Variants in WLS observed in about 807,000 individuals in gnomAD.
WLS encodes the protein protein wntless homolog.
A neutral mutation model predicts 62.8 loss-of-function variants in WLS; 23 were observed. The ratio of observed to expected loss-of-function variants is 0.37; its 90% CI spans 0.26 to 0.52. The LOEUF is 0.52. Among genes scored for constraint, WLS ranks in the 20% least tolerant of loss-of-function variants. The pLI, the probability that WLS is intolerant of heterozygous loss-of-function variation, is 0.92. For missense variants in WLS, 615 were observed against 697.3 expected, an observed-to-expected ratio of 0.88 and a Z score of 1.33; for synonymous variants, 246 against 244.1, an observed-to-expected ratio of 1.01 and a Z score of -0.07.
chr1:68,115,402 G>A (rs12134024), intron 11 of WLS, among the ~76,000 whole-genome samples: 5 of 152,068 alleles, frequency 3.3e-5, no homozygotes, highest in Admixed American at 2.0e-4. Context: ...CATTCTTCAC[G>A]AGGCAGTCCC....
At chr1:68,165,969 T>C (rs540660164) in intron 2 of WLS, among the ~76,000 whole-genome samples, 2 of 152,312 alleles carry the variant, frequency 1.3e-5, no homozygotes, top group South Asian at 4.1e-4. Flanking sequence ...GAGACAAGGC[T>C]AGATAGGATT....
chr1:68,133,060 GCAA>G (rs1646552760), intron 11 of WLS, among the ~76,000 whole-genome samples: 1 of 53,240 alleles, frequency 1.9e-5, no homozygotes, highest in Non-Finnish European at 4.4e-5. Flanking sequence ...AGCAGCAACA[GCAA>G]CAGCAGCAGC....
chr1:68,104,622 G>T (rs1309174686), intron 11 of WLS, among the ~76,000 whole-genome samples: 1 of 152,164 alleles, frequency 6.6e-6, no homozygotes, highest in African/African-American at 2.4e-5. Context: ...TAAAATTCAG[G>T]ATTGCAGCCT....
intron 2 of WLS, chr1:68,163,152 G>T (rs1570927257): frequency 2.7e-6 from 3 of 1,092,808 alleles, no homozygotes; most frequent in Middle Eastern, 3.0e-4. Flanking sequence ...GAACTTAGGG[G>T]AACTCGCAGG....
chr1:68,108,016 G>A (rs1646171406), intron 11 of WLS, among the ~76,000 whole-genome samples: 1 of 152,180 alleles, frequency 6.6e-6, no homozygotes, highest in Admixed American at 6.5e-5. Flanking sequence ...ATGATAGCCT[G>A]CTCACAGTCT....
At chr1:68,214,688 G>GTATCAGT (rs1259786528) in intron 1 of WLS, among the ~76,000 whole-genome samples, 4 of 152,164 alleles carry the variant, frequency 2.6e-5, no homozygotes, top group Non-Finnish European at 4.4e-5. Context: ...CATAACAAGT[G>GTATCAGT]TATCAGTTTC....
chr1:68,107,581 A>G (rs1358747976), intron 11 of WLS, among the ~76,000 whole-genome samples: 1 of 152,222 alleles, frequency 6.6e-6, no homozygotes, highest in African/African-American at 2.4e-5. Flanking sequence ...TTAACTGAAG[A>G]AATACATGTG....
intron 1 of WLS, among the ~76,000 whole-genome samples, chr1:68,205,766 TC>T (rs1447793877): frequency 1.3e-5 from 2 of 152,182 alleles, no homozygotes; most frequent in Admixed American, 6.5e-5. Context: ...GCATCAATAT[TC>T]TACTTCTGAG....
At chr1:68,153,394 C>G in intron 5 of WLS, 123 bp downstream of exon 5, 2 of 1,356,334 alleles carry the variant, frequency 1.5e-6, no homozygotes, top group East Asian at 2.4e-5. Flanking sequence ...CAGGATGACT[C>G]CTGGTCAAAT....
intron 1 of WLS, among the ~76,000 whole-genome samples, chr1:68,221,115 T>C (rs1364144869): frequency 6.6e-6 from 1 of 152,216 alleles, no homozygotes; most frequent in Non-Finnish European, 1.5e-5. Context: ...TTTTTTTCTC[T>C]TTCATCAACT....
chr1:68,104,333 T>C (rs968749643), intron 11 of WLS, among the ~76,000 whole-genome samples: 1 of 152,144 alleles, frequency 6.6e-6, no homozygotes, highest in African/African-American at 2.4e-5. Context: ...ACTTAGCTAG[T>C]TATGCAAAGT....
chr1:68,184,313 T>A (rs1041604747), intron 2 of WLS, among the ~76,000 whole-genome samples: 1 of 152,208 alleles, frequency 6.6e-6, no homozygotes, highest in African/African-American at 2.4e-5. Flanking sequence ...GCAGTTGTAA[T>A]CATTAGAGTG....
At chr1:68,232,167 G>C (rs745941817) in intron 1 of WLS, 27 bp downstream of exon 1, 2 of 1,613,600 alleles carry the variant, frequency 1.2e-6, no homozygotes, top group African/African-American at 2.7e-5. Flanking sequence ...CAGAAAGGGG[G>C]AAAAGTTTGC....
At chr1:68,203,152 G>T (rs41287866) in intron 1 of WLS, among the ~76,000 whole-genome samples, 4 of 152,264 alleles carry the variant, frequency 2.6e-5, no homozygotes, top group Non-Finnish European at 5.9e-5. Context: ...GAATTGCAAA[G>T]AACTTTCACA....
chr1:68,194,329 C>T (rs1229245757), intron 1 of WLS, 102 bp from the exon 2 acceptor site: 4 of 1,429,650 alleles, frequency 2.8e-6, no homozygotes, highest in African/African-American at 1.4e-5. Flanking sequence ...GCTTTTGTAT[C>T]GCCTTCTACA....
chr1:68,099,584 A>T (rs1646051543), intron 11 of WLS: 1 of 152,200 alleles, frequency 6.6e-6, no homozygotes, highest in Non-Finnish European at 1.5e-5. Context: ...GACCATTTGC[A>T]TGCAACCTAT....
intron 1 of WLS, among the ~76,000 whole-genome samples, chr1:68,207,154 A>G (rs1309293007): frequency 3.3e-5 from 5 of 152,198 alleles, no homozygotes. Context: ...AGTGAATTAT[A>G]CCCCCATAAT....
chr1:68,148,251 G>T (rs767307033), intron 7 of WLS, 52 bp from the exon 8 acceptor site: 2 of 1,582,728 alleles, frequency 1.3e-6, no homozygotes, highest in Non-Finnish European at 8.7e-7. Context: ...CAAAGGCAAC[G>T]GGAACTTTCC....
chr1:68,172,716 G>A (rs1207294560), intron 2 of WLS, among the ~76,000 whole-genome samples: 1 of 152,162 alleles, frequency 6.6e-6, no homozygotes, highest in East Asian at 1.9e-4. Flanking sequence ...ATTTACCAAT[G>A]AATTGCAGAA....
Sources: allele counts gnomAD v4.1 joint callset (sites outside exome capture counted in the v4.1 genomes callset), GRCh38; gene constraint gnomAD v4.1.1; transcripts MANE v1.5; gene names NCBI Gene and HGNC (gene_info 2026-07-23, HGNC 2026-07-21).